The following CSPP1 variants were observed in gnomAD, a reference collection of about 807,000 sequenced individuals.
The protein encoded by CSPP1 is centrosome and spindle pole-associated protein 1.
In CSPP1, 126 loss-of-function variants were observed where a neutral mutation model predicts 164.4. That is an observed-to-expected ratio of 0.77 (90% confidence interval 0.66 to 0.89). The LOEUF (loss-of-function observed/expected upper bound fraction) is 0.89, where lower values mean the gene tolerates loss of function less well. Among genes scored for constraint, CSPP1 ranks in the 40% least tolerant of loss-of-function variants. CSPP1 has a pLI of 0.00. For missense variants in CSPP1, 1,395 were observed against 1,449.8 expected (o/e 0.96, Z 0.61); for synonymous variants, 472 against 476.7 (o/e 0.99, Z 0.13).
intron 4 of CSPP1, among the ~76,000 whole-genome samples, chr8:67,087,667 C>T (rs1810688254): frequency 6.6e-6 from 1 of 152,178 alleles, no homozygotes; most frequent in African/African-American, 2.4e-5. Context: ...TTAGGTTTAC[C>T]AGCCTGACTG....
chr8:67,139,057 C>G (rs1374345359), intron 17 of CSPP1, among the ~76,000 whole-genome samples: 4 of 152,094 alleles, frequency 2.6e-5, no homozygotes. Context: ...AATCCTTTCC[C>G]CATTTCTTAT....
intron 1 of CSPP1, among the ~76,000 whole-genome samples, chr8:67,066,478 G>T (rs1406881775): frequency 1.3e-5 from 2 of 151,208 alleles, no homozygotes; most frequent in African/African-American, 2.4e-5. Context: ...TCTAGGTCCT[G>T]TTCCCCTACT....
At chr8:67,168,737 TA>T (rs1436271595) in intron 24 of CSPP1, among the ~76,000 whole-genome samples, 1 of 152,242 alleles carries the variant, frequency 6.6e-6, no homozygotes, top group African/African-American at 2.4e-5. Context: ...TTGTATTCAC[TA>T]AATAATTTGC....
intron 19 of CSPP1, among the ~76,000 whole-genome samples, chr8:67,154,795 C>A (rs1390386766): frequency 6.6e-6 from 1 of 152,144 alleles, no homozygotes; most frequent in African/African-American, 2.4e-5. Flanking sequence ...GCCACCACGC[C>A]CAGCCTAAGT....
chr8:67,173,183 A>G (rs1351062216), intron 25 of CSPP1, among the ~76,000 whole-genome samples: 2 of 152,080 alleles, frequency 1.3e-5, no homozygotes, highest in African/African-American at 4.8e-5. Context: ...TTAGAATGTG[A>G]ACGTGAGGAG....
intron 27 of CSPP1, 80 bp downstream of exon 27, chr8:67,177,806 A>C (rs1483125669): frequency 1.0e-6 from 1 of 972,030 alleles, no homozygotes; most frequent in Non-Finnish European, 1.7e-6. Flanking sequence ...AAGTAATTCA[A>C]ATTTTGAATT....
intron 25 of CSPP1, chr8:67,174,057 G>T (rs1831037913): frequency 6.6e-6 from 1 of 152,060 alleles, no homozygotes; most frequent in Non-Finnish European, 1.5e-5. Context: ...GCTCTTTGGG[G>T]TCCTCAATTT....
At chr8:67,122,024 GATT>G (rs1474284494) in intron 15 of CSPP1, among the ~76,000 whole-genome samples, 1 of 151,444 alleles carries the variant, frequency 6.6e-6, no homozygotes, top group Non-Finnish European at 1.5e-5. Flanking sequence ...GTGAATTTCT[GATT>G]ATATTTTATT....
At chr8:67,139,424 A>G (rs1823028994) in intron 17 of CSPP1, among the ~76,000 whole-genome samples, 1 of 152,112 alleles carries the variant, frequency 6.6e-6, no homozygotes, top group Non-Finnish European at 1.5e-5. Flanking sequence ...CCATTGTGGA[A>G]GTCAGTGTGG....
At chr8:67,092,173 T>C (rs1444886004) in intron 5 of CSPP1, among the ~76,000 whole-genome samples, 1 of 152,194 alleles carries the variant, frequency 6.6e-6, no homozygotes, top group Non-Finnish European at 1.5e-5. Flanking sequence ...AGCATTGATT[T>C]CTGACTATAA....
At chr8:67,113,888 G>A (rs1165112530) in intron 11 of CSPP1, 26 bp downstream of exon 11, 1 of 1,430,322 alleles carries the variant, frequency 7.0e-7, no homozygotes, top group East Asian at 2.3e-5. Context: ...ATCTTTTAAT[G>A]TTTAATCTTT....
chr8:67,150,093 ATAGTTACTTTGAAAAAAGG>A (rs1195718539), intron 18 of CSPP1, among the ~76,000 whole-genome samples, 158 bp downstream of exon 18: 2 of 151,688 alleles, frequency 1.3e-5, no homozygotes, highest in Admixed American at 6.6e-5. Flanking sequence ...CCTTTTCTTC[ATAGTTACTTTGAAAAAAGG>A]TGAATAGGGA....
At chr8:67,089,015 A>C (rs954197130) in intron 4 of CSPP1, among the ~76,000 whole-genome samples, 11 of 152,124 alleles carry the variant, frequency 7.2e-5, no homozygotes, top group African/African-American at 9.7e-5. Flanking sequence ...GAGAAAAAGA[A>C]AACTACACAG....
chr8:67,072,056 G>A (rs1563480467), intron 1 of CSPP1, among the ~76,000 whole-genome samples: 1 of 152,288 alleles, frequency 6.6e-6, no homozygotes. Flanking sequence ...GCCAAGGCAG[G>A]TGGATCACAA....
chr8:67,102,842 C>T (rs1311038516), intron 7 of CSPP1, among the ~76,000 whole-genome samples, 195 bp from the exon 8 acceptor site: 6 of 152,114 alleles, frequency 3.9e-5, no homozygotes, highest in African/African-American at 1.4e-4. Context: ...AAGATTATTA[C>T]GTTTAAACTC....
intron 8 of CSPP1, among the ~76,000 whole-genome samples, chr8:67,104,574 G>A (rs558101456): frequency 1.3e-5 from 2 of 151,690 alleles, no homozygotes; most frequent in Non-Finnish European, 2.9e-5. Context: ...TTCTAAGTAT[G>A]TGCATAGATC....
intron 8 of CSPP1, among the ~76,000 whole-genome samples, chr8:67,103,486 A>G (rs538632340): frequency 4.6e-5 from 7 of 152,188 alleles, no homozygotes; most frequent in African/African-American, 1.4e-4. Flanking sequence ...TGGTGATGCA[A>G]CTTGACTGGA....
chr8:67,077,404 C>T (rs965189432), intron 3 of CSPP1, among the ~76,000 whole-genome samples: 3 of 152,002 alleles, frequency 2.0e-5, no homozygotes, highest in Admixed American at 6.6e-5. Flanking sequence ...GGCACGATCT[C>T]GGCTCACTGC....
intron 27 of CSPP1, 41 bp downstream of exon 27, chr8:67,177,767 G>T (rs774405810): frequency 6.9e-7 from 1 of 1,441,618 alleles, no homozygotes; most frequent in South Asian, 1.2e-5. Flanking sequence ...GTTTTTGGGG[G>T]ATTAAAAATC....
Sources: allele counts gnomAD v4.1 joint callset (sites outside exome capture counted in the v4.1 genomes callset), GRCh38; gene constraint gnomAD v4.1.1; transcripts MANE v1.5; gene names NCBI Gene and HGNC (gene_info 2026-07-23, HGNC 2026-07-21).